Variants in ROBO1 observed in about 807,000 individuals in gnomAD.
ROBO1 encodes the protein roundabout homolog 1.
In ROBO1, 149 loss-of-function variants were observed where a neutral mutation model predicts 195.9. That is an observed-to-expected ratio of 0.76 (90% CI 0.67 to 0.87). ROBO1 has a LOEUF of 0.87. Among genes scored for constraint, ROBO1 ranks in the 40% least tolerant of loss-of-function variants. The probability of loss-of-function intolerance (pLI) is 0.00; values close to 1 mark genes in which losing one functional copy is unlikely to be tolerated. For synonymous variants in ROBO1, 816 were observed against 733.2 expected (o/e 1.11, Z -1.82); for missense variants, 1,933 against 2,068.3 (o/e 0.93, Z 1.27).
At chr3:78,753,895 A>G (rs1220202823) in intron 4 of ROBO1, among the ~76,000 whole-genome samples, 1 of 152,228 alleles carries the variant, frequency 6.6e-6, no homozygotes, top group African/African-American at 2.4e-5. Context: ...TGCATTTTAT[A>G]CACTTTAAAA....
intron 1 of ROBO1, among the ~76,000 whole-genome samples, chr3:79,763,236 C>T (rs901563540): frequency 6.8e-6 from 1 of 146,770 alleles, no homozygotes; most frequent in African/African-American, 2.6e-5. Context: ...ATCTGGGTGA[C>T]TATCGAGTGC....
At chr3:79,590,139 C>T (rs1318083046) in intron 1 of ROBO1, among the ~76,000 whole-genome samples, 178 bp from the exon 2 acceptor site, 2 of 151,614 alleles carry the variant, frequency 1.3e-5, no homozygotes, top group Non-Finnish European at 3.0e-5. Context: ...ATACACATTT[C>T]AAACAAATGT....
intron 2 of ROBO1, among the ~76,000 whole-genome samples, chr3:79,160,234 A>ATGTGTGTGTG (rs142663481): frequency 6.7e-5 from 10 of 148,292 alleles, no homozygotes; most frequent in Admixed American, 2.0e-4. Flanking sequence ...CTTTAAAAAA[A>ATGTGTGTGTG]TGTGTGTGTG....
In ROBO1 at chr3:79,033,893, C is replaced by T. The variant is rs959038262; in HGVS notation, c.172+91563G>A. Among the ~76,000 whole-genome samples the T allele has an allele frequency of 2.6e-5, 4 of 152,182 alleles. No individual in the cohort carries two copies. The East Asian group carries it at 5.8e-4, about 22-fold the overall frequency. On this transcript the variant is annotated intron_variant, in intron 3 of 30. Transcript: ENST00000464233. ...GGTTCTTTGAAATAGGATTTTATCC[C>T]ACCGGCTCGACCTTCTTATTCTACC...
chr3:79,216,585 A>C (rs892069925), intron 2 of ROBO1, among the ~76,000 whole-genome samples: 2 of 151,932 alleles, frequency 1.3e-5, no homozygotes, highest in Non-Finnish European at 2.9e-5. Flanking sequence ...GTACCTCCGA[A>C]CAGTAATATT....
At chr3:79,746,268 G>T (rs1490902495) in intron 1 of ROBO1, among the ~76,000 whole-genome samples, 1 of 151,936 alleles carries the variant, frequency 6.6e-6, no homozygotes, top group African/African-American at 2.4e-5. Context: ...AAAATACTGA[G>T]ATTTTGGAGA....
At chr3:79,356,896 A>G (rs993718780) in intron 2 of ROBO1, among the ~76,000 whole-genome samples, 3 of 152,144 alleles carry the variant, frequency 2.0e-5, no homozygotes, top group Non-Finnish European at 2.9e-5. Flanking sequence ...GAGTTGCACT[A>G]TGGTTTCAAG....
chr3:79,558,899 A>G (rs749628388), intron 2 of ROBO1, among the ~76,000 whole-genome samples: 5 of 152,196 alleles, frequency 3.3e-5, no homozygotes, highest in Non-Finnish European at 7.3e-5. Context: ...GACACAGCAT[A>G]GGAACTTCAA....
rs1185438957 is a variant in ROBO1, at chr3:79,158,169, G to A, written c.89-32630C>T. On this transcript the variant is annotated intron_variant, in intron 2 of 30. Transcript: ENST00000464233. ...TTTAGTCACATAATAGTTGAAAAAT[G>A]GAATCTCACTGATGCAATTTTCTTG... 2.0e-5 allele frequency among the ~76,000 whole-genome samples: 3 copies of A among 151,590 alleles called. No individual in the cohort carries two copies. In the East Asian group the frequency reaches 5.8e-4, roughly 29 times the overall value.
intron 3 of ROBO1, among the ~76,000 whole-genome samples, chr3:79,083,825 C>A (rs764505246): frequency 6.6e-6 from 1 of 152,160 alleles, no homozygotes; most frequent in Non-Finnish European, 1.5e-5. Context: ...TGGCAGATAT[C>A]TTCGGAGAAA....
At chr3:79,224,158 A>T (rs1007160200) in intron 2 of ROBO1, among the ~76,000 whole-genome samples, 4 of 152,172 alleles carry the variant, frequency 2.6e-5, no homozygotes, top group African/African-American at 7.2e-5. Context: ...ATAGACAGAA[A>T]AAAAGGTCTT....
chr3:79,259,057 C>A (rs17016854), intron 2 of ROBO1, among the ~76,000 whole-genome samples: 1 of 152,076 alleles, frequency 6.6e-6, no homozygotes, highest in South Asian at 2.1e-4. Context: ...ATTCAAAGGA[C>A]AATTTGCTCT....
intron 1 of ROBO1, among the ~76,000 whole-genome samples, chr3:79,718,696 G>A (rs1321111025): frequency 6.6e-6 from 1 of 151,912 alleles, no homozygotes; most frequent in Non-Finnish European, 1.5e-5. Flanking sequence ...TGGAAATAGA[G>A]TATTTCTTAT....
intron 4 of ROBO1, among the ~76,000 whole-genome samples, chr3:78,894,083 A>G (rs1165686966): frequency 1.3e-5 from 2 of 152,212 alleles, no homozygotes; most frequent in Non-Finnish European, 2.9e-5. Context: ...GAAAATGAAA[A>G]GAATTTAGTT....
intron 2 of ROBO1, among the ~76,000 whole-genome samples, chr3:79,459,008 A>C (rs1212351749): frequency 6.6e-6 from 1 of 152,174 alleles, no homozygotes; most frequent in East Asian, 1.9e-4. Context: ...ACCCTATAAA[A>C]CTGTATCCAA....
At chr3:78,801,960 A>T (rs1431628746) in intron 4 of ROBO1, among the ~76,000 whole-genome samples, 2 of 152,168 alleles carry the variant, frequency 1.3e-5, no homozygotes, top group Non-Finnish European at 2.9e-5. Context: ...TAGTGTGATT[A>T]TATTAAAATA....
chr3:79,326,547 G>A lies in ROBO1; in HGVS notation c.89-201008C>T, dbSNP rs1046442539. On this transcript the variant is annotated intron_variant, in intron 2 of 30. Coordinates refer to ENST00000464233, the MANE Select transcript of ROBO1 (RefSeq NM_002941.4). ...AAGGGAATTTGAAGGAGTTTTAAAC[G>A]TTTGAAAGGTAAGCATAAAAGAAAA... Among the ~76,000 whole-genome samples the A allele has an allele frequency of 3.9e-5, 6 of 152,244 alleles. No individual in the cohort carries two copies. The South Asian group carries it at 1.0e-3, about 26-fold the overall frequency.
At chr3:79,725,851 G>A (rs1213028066) in intron 1 of ROBO1, among the ~76,000 whole-genome samples, 5 of 151,808 alleles carry the variant, frequency 3.3e-5, no homozygotes, top group Admixed American at 3.3e-4. Flanking sequence ...CAGGTTAAGG[G>A]TCTCTTTTGC....
rs187978046 is a variant in ROBO1 at position 78,830,179 on chromosome 3, C to T, written c.500-83279G>A. 4.7e-4 allele frequency among the ~76,000 whole-genome samples: 72 copies of T among 152,270 alleles called. 2 individuals carry two copies. The East Asian group carries it at 0.013, about 27-fold the overall frequency. ...TTTTTCTTTCTATGTGTCTCTTCTG[C>T]CTCTTGGTCTCTGTTAAATTGTTAA... On this transcript the variant is annotated intron_variant, in intron 4 of 30. Coordinates refer to ENST00000464233, the MANE Select transcript of ROBO1 (RefSeq NM_002941.4).
Sources: allele counts gnomAD v4.1 joint callset (sites outside exome capture counted in the v4.1 genomes callset), GRCh38; gene constraint gnomAD v4.1.1; transcripts MANE v1.5; gene names NCBI Gene and HGNC (gene_info 2026-07-23, HGNC 2026-07-21).